NKAIN2: variants seen among roughly 807,000 people sequenced by gnomAD.
The protein encoded by NKAIN2 is sodium/potassium transporting ATPase interacting 2.
Under a neutral mutation model 32.6 loss-of-function variants are expected in NKAIN2, and 14 were observed. That is an observed-to-expected ratio of 0.43 (90% CI 0.28 to 0.67). The LOEUF is 0.67. Ranked by LOEUF, NKAIN2 falls within the 30% of genes least tolerant of loss-of-function variation. The pLI, the probability that NKAIN2 is intolerant of heterozygous loss-of-function variation, is 0.17. For missense variants in NKAIN2, 198 were observed against 258.3 expected (o/e 0.77, Z 1.60); for synonymous variants, 80 against 87.2 (o/e 0.92, Z 0.46).
intron 2 of NKAIN2, among the ~76,000 whole-genome samples, chr6:124,327,656 C>T (rs994558537): frequency 2.6e-5 from 4 of 152,014 alleles, no homozygotes; most frequent in African/African-American, 7.2e-5. Flanking sequence ...ATTATGTAAG[C>T]AGCATTTAGT....
At chr6:124,788,732 A>G (rs559164794) in intron 4 of NKAIN2, among the ~76,000 whole-genome samples, 23 of 152,204 alleles carry the variant, frequency 1.5e-4, no homozygotes, top group Non-Finnish European at 2.2e-4. Flanking sequence ...GGGTTATGGG[A>G]ACTACAGTTC....
chr6:124,634,110 T>G (rs1219275116), intron 3 of NKAIN2, among the ~76,000 whole-genome samples: 2 of 151,578 alleles, frequency 1.3e-5, no homozygotes, highest in Non-Finnish European at 2.9e-5. Context: ...AAAAAAAAAT[T>G]TCCTAGAAAA....
At chr6:124,781,162 G>A (rs888503610) in intron 4 of NKAIN2, among the ~76,000 whole-genome samples, 1 of 152,090 alleles carries the variant, frequency 6.6e-6, no homozygotes, top group Non-Finnish European at 1.5e-5. Context: ...AGTATTGTCA[G>A]TTTTGCCTTT....
At chr6:124,232,441 T>C (rs1316388246) in intron 1 of NKAIN2, among the ~76,000 whole-genome samples, 1 of 151,912 alleles carries the variant, frequency 6.6e-6, no homozygotes, top group Non-Finnish European at 1.5e-5. Flanking sequence ...TGTTAAAGAA[T>C]AAAAAATGAT....
At chr6:124,647,370 A>C (rs1047330536) in intron 3 of NKAIN2, among the ~76,000 whole-genome samples, 3 of 151,722 alleles carry the variant, frequency 2.0e-5, no homozygotes, top group Non-Finnish European at 4.4e-5. Context: ...AACATAATGA[A>C]ACCCTGTCTC....
chr6:123,957,466 A>T (rs1777647266), intron 1 of NKAIN2, among the ~76,000 whole-genome samples: 1 of 152,198 alleles, frequency 6.6e-6, no homozygotes, highest in African/African-American at 2.4e-5. Context: ...TAAATGGTGT[A>T]TGTCTAGATT....
chr6:124,685,550 G>T (rs1335468184), intron 4 of NKAIN2, among the ~76,000 whole-genome samples: 1 of 152,056 alleles, frequency 6.6e-6, no homozygotes, highest in Non-Finnish European at 1.5e-5. Flanking sequence ...GACAGTTAAT[G>T]AAAAAGTGAT....
intron 1 of NKAIN2, among the ~76,000 whole-genome samples, chr6:124,040,640 G>A (rs2114808500): frequency 1.3e-5 from 2 of 152,096 alleles, no homozygotes; most frequent in South Asian, 4.1e-4. Context: ...TTTGCTTGAT[G>A]ATATTATGGA....
intron 1 of NKAIN2, among the ~76,000 whole-genome samples, chr6:124,194,378 C>A (rs897530806): frequency 2.6e-5 from 4 of 151,982 alleles, no homozygotes; most frequent in African/African-American, 4.8e-5. Flanking sequence ...TTCAACATAT[C>A]TGTTTCTGTT....
chr6:124,340,580 A>G (rs1230017494), intron 2 of NKAIN2, among the ~76,000 whole-genome samples: 2 of 151,920 alleles, frequency 1.3e-5, no homozygotes, highest in East Asian at 3.9e-4. Flanking sequence ...CCTTCTTTGT[A>G]TTCATAAGTT....
At chr6:124,137,015 A>G (rs1199393629) in intron 1 of NKAIN2, among the ~76,000 whole-genome samples, 4 of 152,150 alleles carry the variant, frequency 2.6e-5, no homozygotes, top group African/African-American at 7.2e-5. Context: ...AGCCAGAGCA[A>G]TCAGACAAGA....
intron 1 of NKAIN2, among the ~76,000 whole-genome samples, chr6:124,276,899 G>C (rs1485874617): frequency 3.9e-5 from 6 of 152,160 alleles, no homozygotes; most frequent in Non-Finnish European, 8.8e-5. Context: ...GAATGGAGAT[G>C]AGCTCTAGTG....
chr6:124,516,420 G>A (rs574044913), intron 3 of NKAIN2, among the ~76,000 whole-genome samples: 52 of 152,192 alleles, frequency 3.4e-4, no homozygotes, highest in African/African-American at 1.1e-3. Flanking sequence ...AAAAAGCAAC[G>A]CTTTCTCCTA....
intron 2 of NKAIN2, among the ~76,000 whole-genome samples, chr6:124,319,217 A>C (rs1169235048): frequency 6.6e-6 from 1 of 152,146 alleles, no homozygotes; most frequent in Non-Finnish European, 1.5e-5. Flanking sequence ...TGAAAATAAT[A>C]CATACAAGAG....
At chr6:124,453,204 C>T (rs1053511412) in intron 3 of NKAIN2, among the ~76,000 whole-genome samples, 5 of 151,852 alleles carry the variant, frequency 3.3e-5, no homozygotes, top group African/African-American at 1.2e-4. Context: ...TTTATTTTAT[C>T]TTCCTGAGAG....
chr6:123,847,271 G>A (rs560627435), intron 1 of NKAIN2, among the ~76,000 whole-genome samples: 3 of 152,308 alleles, frequency 2.0e-5, no homozygotes, highest in Admixed American at 2.0e-4. Flanking sequence ...AAAGGTGGTG[G>A]AAAGGGATTA....
intron 1 of NKAIN2, among the ~76,000 whole-genome samples, chr6:123,873,167 G>A (rs540387046): frequency 4.7e-4 from 72 of 152,148 alleles, no homozygotes; most frequent in African/African-American, 1.6e-3. Context: ...GTATTATAGA[G>A]TATGTTCAAG....
At chr6:124,694,032 CCAAGT>C (rs1300105093) in intron 4 of NKAIN2, among the ~76,000 whole-genome samples, 16 of 152,058 alleles carry the variant, frequency 1.1e-4, no homozygotes, top group African/African-American at 3.6e-4. Context: ...AATCAGTAAC[CCAAGT>C]CAATTACCCT....
intron 1 of NKAIN2, among the ~76,000 whole-genome samples, chr6:124,158,263 T>G (rs1467961445): frequency 6.6e-6 from 1 of 152,118 alleles, no homozygotes; most frequent in Non-Finnish European, 1.5e-5. Context: ...TAATCACCTC[T>G]TCTTATAAGG....
Sources: allele counts gnomAD v4.1 joint callset (sites outside exome capture counted in the v4.1 genomes callset), GRCh38; gene constraint gnomAD v4.1.1; transcripts MANE v1.5; gene names NCBI Gene and HGNC (gene_info 2026-07-23, HGNC 2026-07-21).